The following ADCY2 variants were observed in gnomAD, a reference collection of about 807,000 sequenced individuals.
ADCY2 encodes the protein adenylate cyclase 2, also known as adenylate cyclase type 2.
A neutral mutation model predicts 125.2 loss-of-function variants in ADCY2; 31 were observed. The ratio of observed to expected loss-of-function variants is 0.25; its 90% CI spans 0.19 to 0.33. The LOEUF (loss-of-function observed/expected upper bound fraction) is 0.33, where lower values mean the gene tolerates loss of function less well. Among genes scored for constraint, ADCY2 ranks in the 10% least tolerant of loss-of-function variants. ADCY2 has a pLI of 1.00. For missense variants in ADCY2, 904 were observed against 1,418.2 expected, an observed-to-expected ratio of 0.64 and a Z score of 5.82; for synonymous variants, 512 against 548.4, an observed-to-expected ratio of 0.93 and a Z score of 0.93.
chr5:7,748,360 A>G (rs2126442252), intron 15 of ADCY2, among the ~76,000 whole-genome samples: 1 of 152,190 alleles, frequency 6.6e-6, no homozygotes, highest in South Asian at 2.1e-4. Flanking sequence ...GCTATTTAGC[A>G]TTTCAGAATT....
At chr5:7,444,655 AG>A (rs778887707) in intron 2 of ADCY2, among the ~76,000 whole-genome samples, 1 of 152,150 alleles carries the variant, frequency 6.6e-6, no homozygotes, top group Non-Finnish European at 1.5e-5. Flanking sequence ...ATAGTCTCTA[AG>A]GAACAGGATT....
At chr5:7,670,806 G>A (rs1489450591) in intron 4 of ADCY2, among the ~76,000 whole-genome samples, 1 of 152,050 alleles carries the variant, frequency 6.6e-6, no homozygotes, top group African/African-American at 2.4e-5. Context: ...TGATCTGACA[G>A]CAGAGGCGGA....
At chr5:7,767,092 A>G (rs974210928) in intron 17 of ADCY2, among the ~76,000 whole-genome samples, 8 of 152,212 alleles carry the variant, frequency 5.3e-5, no homozygotes, top group Non-Finnish European at 1.0e-4. Context: ...ATTTCCTACC[A>G]TATGGCATTC....
chr5:7,435,426 C>A (rs750074669), intron 2 of ADCY2, among the ~76,000 whole-genome samples: 1 of 152,146 alleles, frequency 6.6e-6, no homozygotes, highest in African/African-American at 2.4e-5. Flanking sequence ...TTTCATCATA[C>A]GACATAATCA....
At chr5:7,791,136 C>T (rs1195480045) in intron 20 of ADCY2, among the ~76,000 whole-genome samples, 1 of 151,996 alleles carries the variant, frequency 6.6e-6, no homozygotes, top group Admixed American at 6.6e-5. Flanking sequence ...TGGGGTGCTC[C>T]GTGGCCCTTC....
intron 3 of ADCY2, among the ~76,000 whole-genome samples, chr5:7,566,585 C>T (rs537915287): frequency 8.3e-4 from 126 of 152,234 alleles, no homozygotes; most frequent in African/African-American, 2.9e-3. Context: ...TTTCTTCTTA[C>T]TAAGTGTGTT....
intron 2 of ADCY2, among the ~76,000 whole-genome samples, chr5:7,467,432 G>A (rs773415074): frequency 6.6e-6 from 1 of 152,144 alleles, no homozygotes; most frequent in East Asian, 1.9e-4. Flanking sequence ...AGCATTGACC[G>A]CCGTGGAGAA....
At position 7,396,237 on chromosome 5, in the gene ADCY2, C is replaced by G. The variant is rs1739019663; in HGVS notation, c.-60C>G. On this transcript the variant is annotated 5_prime_UTR_variant, in exon 1 of 25. Transcript: ENST00000338316. The surrounding 1 kb of genome is among the most constrained non-coding windows in gnomAD (Gnocchi z 5.7). ...GGCGCGGGGGTGGGACGCGGGCGGC[C>G]GCGGCGAGCGGCGCTGCCCGGGCCG... The G allele has an allele frequency of 2.1e-6, 2 of 931,790 alleles. No homozygotes were observed. Among genetic ancestry groups the G allele is most frequent in the Non-Finnish European group, 2.5e-6 (2 of 785,586 alleles). The allele number at this position is 931,790 out of a possible 1,614,324, so 57.7% of individuals were successfully genotyped here. A position where few individuals can be genotyped will look rare whatever the true frequency, so the allele number is the denominator to read the frequency against.
chr5:7,504,887 T>G (rs539567371), intron 2 of ADCY2, among the ~76,000 whole-genome samples: 1 of 152,048 alleles, frequency 6.6e-6, no homozygotes, highest in Non-Finnish European at 1.5e-5. Flanking sequence ...TTATTTATTT[T>G]TTTAAGACAG....
At chr5:7,580,403 GAAC>G (rs1736391746) in intron 3 of ADCY2, among the ~76,000 whole-genome samples, 1 of 151,946 alleles carries the variant, frequency 6.6e-6, no homozygotes, top group African/African-American at 2.4e-5. Context: ...CTATAAGAAG[GAAC>G]CATATTAAAA....
chr5:7,620,271 T>G (rs1737911804), intron 3 of ADCY2, among the ~76,000 whole-genome samples: 1 of 152,216 alleles, frequency 6.6e-6, no homozygotes, highest in South Asian at 2.1e-4. Flanking sequence ...ACTATCTATT[T>G]TGTAATGGAA....
intron 3 of ADCY2, among the ~76,000 whole-genome samples, chr5:7,567,616 G>A (rs1735942731): frequency 6.6e-6 from 1 of 152,074 alleles, no homozygotes; most frequent in African/African-American, 2.4e-5. Context: ...AGTTAATATG[G>A]TTGTGTTGAG....
chr5:7,766,911 C>T, intron 17 of ADCY2, 105 bp downstream of exon 17: 1 of 1,380,734 alleles, frequency 7.2e-7, no homozygotes, highest in Non-Finnish European at 9.6e-7. Context: ...TTTGCATTTC[C>T]TCTCTGGTAT....
In ADCY2 at chr5:7,626,322, G is replaced by A. The variant is rs1215598394; in HGVS notation, c.720+6G>A. The A allele has an allele frequency of 1.2e-6, 2 of 1,612,952 alleles. No individual in the cohort carries two copies. The highest frequency in any genetic ancestry group is 2.7e-5 in the African/African-American group (2 of 74,868). The stretch of plus-strand genomic sequence containing the variant: ...AATTTGAAAAACGTCAACAGGTAAT[G>A]GATGTTTCATCTTACATCCACATTA... On this transcript the variant is annotated splice_donor_region_variant and intron_variant, in intron 4 of 24. Transcript: ENST00000338316.
intron 15 of ADCY2, among the ~76,000 whole-genome samples, chr5:7,750,625 C>T (rs1742779948): frequency 6.6e-6 from 1 of 152,098 alleles, no homozygotes; most frequent in African/African-American, 2.4e-5. Flanking sequence ...AAGTCTTTAT[C>T]TTTTCCCCAT....
At chr5:7,621,164 A>C (rs1156767314) in intron 3 of ADCY2, among the ~76,000 whole-genome samples, 3 of 152,220 alleles carry the variant, frequency 2.0e-5, no homozygotes, top group East Asian at 1.9e-4. Flanking sequence ...TTTTCTTCTC[A>C]GGTGAAATAA....
At chr5:7,775,340 C>A (rs1424646001) in intron 18 of ADCY2, among the ~76,000 whole-genome samples, 3 of 152,088 alleles carry the variant, frequency 2.0e-5, no homozygotes, top group Non-Finnish European at 4.4e-5. Flanking sequence ...CTCAGCCTCC[C>A]AAAGTGTTGA....
intron 3 of ADCY2, among the ~76,000 whole-genome samples, chr5:7,549,989 C>T (rs1204588147): frequency 6.6e-6 from 1 of 152,156 alleles, no homozygotes; most frequent in African/African-American, 2.4e-5. Context: ...GGCCCAACAA[C>T]TGGCTGCTGT....
intron 1 of ADCY2, among the ~76,000 whole-genome samples, chr5:7,406,393 C>G (rs1739490894): frequency 6.6e-6 from 1 of 152,174 alleles, no homozygotes; most frequent in Admixed American, 6.5e-5. Flanking sequence ...CCAGCCACCT[C>G]ATATACCTAG....
Sources: gnomAD v4.1 joint callset for allele counts (sites outside exome capture counted in the v4.1 genomes callset) on GRCh38, gnomAD v4.1.1 for gene constraint, Gnocchi (gnomAD v3.1) non-coding constraint, MANE v1.5 for transcripts, NCBI Gene and HGNC (gene_info 2026-07-23, HGNC 2026-07-21) for gene names.